Variants in CFAP70 observed in about 807,000 individuals in gnomAD.
CFAP70 encodes cilia and flagella associated protein 70, also known as cilia- and flagella-associated protein 70.
CFAP70 carries 81 observed loss-of-function variants against 137.6 expected under a neutral mutation model. That is an observed-to-expected ratio of 0.59 (90% CI 0.49 to 0.71). The LOEUF (loss-of-function observed/expected upper bound fraction) is 0.71. Among genes scored for constraint, CFAP70 ranks in the 30% least tolerant of loss-of-function variants. The pLI, the probability that CFAP70 is intolerant of heterozygous loss-of-function variation, is 0.00. For missense variants in CFAP70, 976 were observed against 1,226.7 expected (o/e 0.80, Z 3.05); for synonymous variants, 382 against 423.6 (o/e 0.90, Z 1.20).
intron 19 of CFAP70, among the ~76,000 whole-genome samples, chr10:73,284,356 C>T (rs2047485439): frequency 6.6e-6 from 1 of 152,086 alleles, no homozygotes; most frequent in Admixed American, 6.6e-5. Flanking sequence ...TGGACCTACC[C>T]AGACAATCCA....
exon 21 of CFAP70, chr10:73,277,349 C>A: frequency 6.2e-7 from 1 of 1,613,312 alleles, no homozygotes; most frequent in Non-Finnish European, 8.5e-7. Context: ...TGAATCTTGA[C>A]ATTTTGATGC....
chr10:73,355,605 A>C (rs2054613938), intron 1 of CFAP70, among the ~76,000 whole-genome samples: 1 of 152,112 alleles, frequency 6.6e-6, no homozygotes, highest in Non-Finnish European at 1.5e-5. Flanking sequence ...GTGAAACCCC[A>C]TCTCTACTAA....
At chr10:73,314,794 T>C (rs1386844518) in intron 9 of CFAP70, among the ~76,000 whole-genome samples, 1 of 151,834 alleles carries the variant, frequency 6.6e-6, no homozygotes, top group Non-Finnish European at 1.5e-5. Flanking sequence ...TTTGTAAAGA[T>C]AGGGTCTCAC....
exon 2 of CFAP70, chr10:73,354,784 G>A: frequency 6.2e-7 from 1 of 1,613,884 alleles, no homozygotes; most frequent in South Asian, 1.1e-5. Context: ...CCTGCTGATG[G>A]CACTTGCTCC....
chr10:73,293,980 TC>T (rs1267276197), intron 15 of CFAP70: 1 of 152,174 alleles, frequency 6.6e-6, no homozygotes, highest in Admixed American at 6.5e-5. Context: ...ATTAGGAATC[TC>T]CTGAGTCAGA....
chr10:73,329,795 TCTC>T (rs1358505937), intron 8 of CFAP70, among the ~76,000 whole-genome samples: 34 of 152,274 alleles, frequency 2.2e-4, no homozygotes, highest in African/African-American at 7.9e-4. Context: ...ATGTCTAAAT[TCTC>T]ATTAATGGTG....
At chr10:73,315,603 C>A (rs752596178) in intron 9 of CFAP70, among the ~76,000 whole-genome samples, 1 of 152,038 alleles carries the variant, frequency 6.6e-6, no homozygotes, top group African/African-American at 2.4e-5. Context: ...TCTTGTCACC[C>A]AAGCTGGAGT....
chr10:73,323,365 C>G (rs949948959), intron 8 of CFAP70, among the ~76,000 whole-genome samples: 6 of 149,664 alleles, frequency 4.0e-5, no homozygotes, highest in Non-Finnish European at 5.9e-5. Flanking sequence ...CGAATAGGAA[C>G]AGCTCCGGTC....
At chr10:73,259,481 T>G (rs2044906938) in intron 25 of CFAP70, among the ~76,000 whole-genome samples, 1 of 152,180 alleles carries the variant, frequency 6.6e-6, no homozygotes, top group Admixed American at 6.5e-5. Context: ...TTTTCTTTTT[T>G]GAGACAGGGT....
chr10:73,303,904 A>G (rs537583263), intron 12 of CFAP70, among the ~76,000 whole-genome samples: 6 of 152,306 alleles, frequency 3.9e-5, no homozygotes, highest in Non-Finnish European at 5.9e-5. Flanking sequence ...TATGATTAAA[A>G]TTATATAACT....
Position 73,275,511 on chromosome 10 carries a change from T to A in CFAP70, c.2608A>T (p.Ile870Phe). Reference sequence around the variant, plus strand: ...GCCTTGGCAAAGTTCTTCTTAAGAATGTGTGTTTGGGCCAGCACCAAGTAA... The same window carrying A: ...GCCTTGGCAAAGTTCTTCTTAAGAAAGTGTGTTTGGGCCAGCACCAAGTAA... The change falls in exon 22 of 27, where the codon ATT (isoleucine) becomes TTT (phenylalanine). Residue 870 changes from isoleucine (I) to phenylalanine (F), a missense_variant. Physicochemically the swap from Ile to Phe is conservative, Grantham distance 21 (BLOSUM62 0). Transcript: ENST00000310715. The surrounding 1 kb of genome is among the most constrained non-coding windows in gnomAD (Gnocchi z 4.0). 1 of 1,611,992 alleles carries A rather than the reference T, an allele frequency of 6.2e-7. No individual in the cohort carries two copies. Among genetic ancestry groups the A allele is most frequent in the African/African-American group, 1.3e-5 (1 of 74,892 alleles).
intron 6 of CFAP70, 123 bp from the exon 8 acceptor site, chr10:73,335,647 G>A (rs2052570038): frequency 1.8e-6 from 1 of 544,722 alleles, no homozygotes; most frequent in Admixed American, 3.4e-5. Flanking sequence ...ACTACTATAA[G>A]TATGACTACT....
At chr10:73,326,826 G>T (rs866270818) in intron 8 of CFAP70, among the ~76,000 whole-genome samples, 191 of 152,118 alleles carry the variant, frequency 1.3e-3, no homozygotes, top group Admixed American at 4.3e-3. Flanking sequence ...AACAGGCTCT[G>T]AAATTGTGGC....
chr10:73,282,629 G>T (rs2047345415), intron 19 of CFAP70, among the ~76,000 whole-genome samples: 1 of 151,828 alleles, frequency 6.6e-6, no homozygotes. Flanking sequence ...TTGAACTCCT[G>T]ACCTAGGATG....
intron 12 of CFAP70, among the ~76,000 whole-genome samples, chr10:73,304,773 T>C (rs369715358): frequency 5.9e-4 from 90 of 151,722 alleles, no homozygotes; most frequent in African/African-American, 2.1e-3. Flanking sequence ...GCTCCTCACA[T>C]CAAGAGGTAA....
intron 19 of CFAP70, among the ~76,000 whole-genome samples, chr10:73,287,851 A>G (rs943344736): frequency 1.6e-5 from 2 of 126,410 alleles, no homozygotes; most frequent in Admixed American, 1.7e-4. Flanking sequence ...ATGCATTTTA[A>G]CATCTATCTA....
intron 1 of CFAP70, among the ~76,000 whole-genome samples, chr10:73,357,849 G>A (rs2054789421): frequency 1.3e-5 from 2 of 152,174 alleles, no homozygotes; most frequent in African/African-American, 2.4e-5. Context: ...ATGCTTCCTA[G>A]TCCATGAAGC....
intron 6 of CFAP70, among the ~76,000 whole-genome samples, chr10:73,335,929 C>A (rs1462463600): frequency 1.4e-5 from 2 of 147,274 alleles, no homozygotes; most frequent in Admixed American, 6.7e-5. Flanking sequence ...CTGCTTGAGG[C>A]CAGGAGTTCA....
chr10:73,330,484 A>G (rs1315883452), intron 8 of CFAP70, among the ~76,000 whole-genome samples: 1 of 151,700 alleles, frequency 6.6e-6, no homozygotes, highest in Non-Finnish European at 1.5e-5. Context: ...TGTTCATGAG[A>G]TAATATGTAG....
Sources: allele counts gnomAD v4.1 joint callset (sites outside exome capture counted in the v4.1 genomes callset), GRCh38; gene constraint gnomAD v4.1.1; non-coding constraint Gnocchi (gnomAD v3.1); transcripts MANE v1.5; gene names NCBI Gene and HGNC (gene_info 2026-07-23, HGNC 2026-07-21).